NEGR1: variants seen among roughly 807,000 people sequenced by gnomAD.
The protein encoded by NEGR1 is neuronal growth regulator 1.
NEGR1 carries 10 observed loss-of-function variants against 40.9 expected under a neutral mutation model. The ratio of observed to expected loss-of-function variants is 0.24; its 90% confidence interval spans 0.15 to 0.42. The LOEUF (loss-of-function observed/expected upper bound fraction) is 0.42, where lower values mean the gene tolerates loss of function less well. Among genes scored for constraint, NEGR1 ranks in the 10% least tolerant of loss-of-function variants. The pLI is 1.00. For missense variants in NEGR1, 352 were observed against 438.9 expected (o/e 0.80, Z 1.77); for synonymous variants, 185 against 166.8 (o/e 1.11, Z -0.84).
chr1:72,025,619 C>A (rs1646800528), intron 1 of NEGR1, among the ~76,000 whole-genome samples: 1 of 152,064 alleles, frequency 6.6e-6, no homozygotes, highest in South Asian at 2.1e-4. Context: ...AGAAGTTAAA[C>A]AAGCACATGA....
intron 5 of NEGR1, among the ~76,000 whole-genome samples, chr1:71,607,415 C>G (rs978976147): frequency 2.6e-5 from 4 of 152,190 alleles, no homozygotes; most frequent in African/African-American, 9.6e-5. Flanking sequence ...TTGACCTACA[C>G]TAGGTGCCAT....
At chr1:71,411,390 A>G (rs1646320178) in intron 6 of NEGR1, among the ~76,000 whole-genome samples, 1 of 152,164 alleles carries the variant, frequency 6.6e-6, no homozygotes, top group Non-Finnish European at 1.5e-5. Flanking sequence ...GCCACAAAAG[A>G]CAGTCAGCAT....
At chr1:72,059,941 C>G (rs1168539713) in intron 1 of NEGR1, among the ~76,000 whole-genome samples, 1 of 151,764 alleles carries the variant, frequency 6.6e-6, no homozygotes, top group East Asian at 1.9e-4. Context: ...TTGTTTCACA[C>G]ACAGACCAAA....
At chr1:72,168,474 T>G (rs1295316254) in intron 1 of NEGR1, among the ~76,000 whole-genome samples, 1 of 152,112 alleles carries the variant, frequency 6.6e-6, no homozygotes, top group African/African-American at 2.4e-5. Flanking sequence ...ATGAAGATTT[T>G]CTGGTGGGTT....
rs1018426875 is a variant in NEGR1 at position 71,843,178 on chromosome 1, C to T, written c.410-66881G>A. ...AGAGGACATCCATGCCCAAGGACAGCGGCTGTCATTAGTCTCCAGGCTGCA... is the reference window on the plus strand; with the variant it reads ...AGAGGACATCCATGCCCAAGGACAGTGGCTGTCATTAGTCTCCAGGCTGCA... On this transcript the variant is annotated intron_variant, in intron 2 of 6. Transcript: ENST00000357731. Among the ~76,000 whole-genome samples, 17 of 152,162 alleles carry T rather than the reference C, an allele frequency of 1.1e-4. No individual in the cohort carries two copies. In the South Asian group the frequency reaches 2.7e-3, roughly 24 times the overall value.
intron 2 of NEGR1, among the ~76,000 whole-genome samples, chr1:71,834,130 A>C (rs1160433899): frequency 6.6e-6 from 1 of 152,094 alleles, no homozygotes; most frequent in African/African-American, 2.4e-5. Context: ...AGCCACCTAC[A>C]TTGATACTGG....
At chr1:71,950,990 C>A (rs1391906560) in intron 1 of NEGR1, among the ~76,000 whole-genome samples, 1 of 151,816 alleles carries the variant, frequency 6.6e-6, no homozygotes, top group Admixed American at 6.6e-5. Context: ...ATATGTGTGT[C>A]TTCAGGATTT....
Position 71,685,970 on chromosome 1 carries a change from C to T in NEGR1, c.667+12038G>A, listed in dbSNP as rs553052022. Among the ~76,000 whole-genome samples the T allele has an allele frequency of 7.1e-4, 108 of 151,946 alleles. 2 individuals are homozygous for T. Among genetic ancestry groups the T allele is most frequent in the Admixed American group, 2.8e-3 (43 of 15,258 alleles). On this transcript the variant is annotated intron_variant, in intron 4 of 6. Transcript: ENST00000357731. ...TATGTCAGAGGTTAATGGCCAGATG[C>T]TATTTTAAATCCAGTTGTGTTTCTG...
At chr1:71,900,541 A>G (rs1002547934) in intron 2 of NEGR1, among the ~76,000 whole-genome samples, 10 of 152,194 alleles carry the variant, frequency 6.6e-5, no homozygotes, top group Non-Finnish European at 1.2e-4. Flanking sequence ...ATTGCCTTCA[A>G]TGATACATGT....
At chr1:72,233,629 T>C (rs1266178157) in intron 1 of NEGR1, among the ~76,000 whole-genome samples, 6 of 152,156 alleles carry the variant, frequency 3.9e-5, no homozygotes, top group African/African-American at 1.4e-4. Context: ...AAGATTTCAT[T>C]CTTTTCATGG....
chr1:71,718,733 G>A (rs578201886), intron 3 of NEGR1, among the ~76,000 whole-genome samples: 16 of 152,076 alleles, frequency 1.1e-4, no homozygotes, highest in African/African-American at 3.9e-4. Context: ...AATACAATCA[G>A]TTTTTCTCTA....
chr1:72,094,727 A>G (rs1271329997), intron 1 of NEGR1, among the ~76,000 whole-genome samples: 1 of 152,134 alleles, frequency 6.6e-6, no homozygotes, highest in Admixed American at 6.6e-5. Context: ...TGTCTACCCA[A>G]ACTGAAGATT....
chr1:71,967,795 G>A (rs1646222458), intron 1 of NEGR1, among the ~76,000 whole-genome samples: 1 of 152,130 alleles, frequency 6.6e-6, no homozygotes, highest in African/African-American at 2.4e-5. Context: ...TATAGCAAAT[G>A]TCTGATGCTA....
chr1:72,043,885 T>G (rs1301958055), intron 1 of NEGR1, among the ~76,000 whole-genome samples: 1 of 151,914 alleles, frequency 6.6e-6, no homozygotes, highest in Admixed American at 6.6e-5. Flanking sequence ...CTTCCAGGAC[T>G]GCTATTTAAC....
chr1:71,583,363 A>G (rs965064032), intron 6 of NEGR1, among the ~76,000 whole-genome samples: 4 of 152,202 alleles, frequency 2.6e-5, no homozygotes, highest in Non-Finnish European at 4.4e-5. Context: ...TGTTGCTGGC[A>G]GGAAGAATGT....
chr1:71,679,114 C>G (rs946177045), intron 4 of NEGR1, among the ~76,000 whole-genome samples: 3 of 152,058 alleles, frequency 2.0e-5, no homozygotes, highest in Non-Finnish European at 2.9e-5. Context: ...TGTTTCTTGT[C>G]TCTCTATTGC....
chr1:71,815,937 G>A (rs1658189902), intron 2 of NEGR1, among the ~76,000 whole-genome samples: 1 of 151,992 alleles, frequency 6.6e-6, no homozygotes, highest in African/African-American at 2.4e-5. Flanking sequence ...ATAGAACTTT[G>A]CTACTTTTCC....
intron 1 of NEGR1, among the ~76,000 whole-genome samples, chr1:71,993,139 T>A (rs1346981121): frequency 6.6e-6 from 1 of 152,208 alleles, no homozygotes; most frequent in Non-Finnish European, 1.5e-5. Flanking sequence ...TTGGAGTGGA[T>A]AACTTTGACA....
intron 2 of NEGR1, among the ~76,000 whole-genome samples, chr1:71,790,830 C>G (rs1657089720): frequency 6.6e-6 from 1 of 151,848 alleles, no homozygotes; most frequent in Non-Finnish European, 1.5e-5. Flanking sequence ...GCACTACATA[C>G]CTTTGTATAT....
Sources: gnomAD v4.1 joint callset for allele counts (sites outside exome capture counted in the v4.1 genomes callset) on GRCh38, gnomAD v4.1.1 for gene constraint, MANE v1.5 for transcripts, NCBI Gene and HGNC (gene_info 2026-07-23, HGNC 2026-07-21) for gene names.